Variants in RUNX2 observed in about 807,000 individuals in gnomAD.
RUNX2 encodes RUNX family transcription factor 2.
In RUNX2, 10 loss-of-function variants were observed where a neutral mutation model predicts 51.7. That is an observed-to-expected ratio of 0.19 (90% CI 0.12 to 0.33). The LOEUF (loss-of-function observed/expected upper bound fraction) is 0.33, where lower values mean the gene tolerates loss of function less well. Among genes scored for constraint, RUNX2 ranks in the 10% least tolerant of loss-of-function variants. The pLI is 1.00. For missense variants in RUNX2, 562 were observed against 691.3 expected, an observed-to-expected ratio of 0.81 and a Z score of 2.10; for synonymous variants, 276 against 273.6, an observed-to-expected ratio of 1.01 and a Z score of -0.09.
intron 5 of RUNX2, among the ~76,000 whole-genome samples, chr6:45,464,518 C>CT (rs1799569008): frequency 6.6e-6 from 1 of 152,222 alleles, no homozygotes; most frequent in African/African-American, 2.4e-5. Flanking sequence ...TTCTAAAACT[C>CT]TATCTACAGC....
At chr6:45,490,452 C>G (rs1265296269) in intron 5 of RUNX2, among the ~76,000 whole-genome samples, 1 of 152,142 alleles carries the variant, frequency 6.6e-6, no homozygotes, top group Admixed American at 6.5e-5. Flanking sequence ...CTCATATTAC[C>G]AAGCCTTGGC....
At chr6:45,495,062 T>A (rs1221458254) in intron 6 of RUNX2, among the ~76,000 whole-genome samples, 1 of 152,248 alleles carries the variant, frequency 6.6e-6, no homozygotes, top group Non-Finnish European at 1.5e-5. Context: ...CCAAGGCCAC[T>A]GTGTTATCTT....
chr6:45,384,734 T>TA (rs1262285320), intron 2 of RUNX2, among the ~76,000 whole-genome samples: 1 of 85,494 alleles, frequency 1.2e-5, no homozygotes, highest in Admixed American at 1.4e-4. Context: ...TTTTTTTTTT[T>TA]AAAGACCGGG....
chr6:45,397,396 A>G (rs945995058), intron 2 of RUNX2, among the ~76,000 whole-genome samples: 1 of 152,100 alleles, frequency 6.6e-6, no homozygotes, highest in Admixed American at 6.5e-5. Context: ...GGCGTGAGCA[A>G]CCATGCCCGG....
chr6:45,365,196 C>T, intron 2 of RUNX2: 1 of 1,579,532 alleles, frequency 6.3e-7, no homozygotes, highest in South Asian at 1.1e-5. Flanking sequence ...CAGGGACATA[C>T]TTACATCATA....
At chr6:45,391,557 C>T (rs112655684) in intron 2 of RUNX2, among the ~76,000 whole-genome samples, 19 of 152,166 alleles carry the variant, frequency 1.2e-4, no homozygotes, top group African/African-American at 3.6e-4. Flanking sequence ...TGTTTCCACA[C>T]TGCTGTAAAG....
chr6:45,339,642 T>C (rs74773773), intron 2 of RUNX2, among the ~76,000 whole-genome samples: 4,480 of 152,230 alleles, frequency 0.029, 91 homozygotes, highest in Non-Finnish European at 0.047. Flanking sequence ...AAGATGACTA[T>C]AGCCAAAAAC....
chr6:45,348,405 G>C (rs1473086194), intron 2 of RUNX2, among the ~76,000 whole-genome samples: 2 of 150,860 alleles, frequency 1.3e-5, no homozygotes, highest in African/African-American at 4.9e-5. Flanking sequence ...GGTGGCTCAC[G>C]CCTGTAATCC....
At chr6:45,528,129 G>T (rs1401054912) in intron 7 of RUNX2, among the ~76,000 whole-genome samples, 1 of 152,040 alleles carries the variant, frequency 6.6e-6, no homozygotes, top group Non-Finnish European at 1.5e-5. Context: ...ACTATCACGA[G>T]AACAGTATGG....
chr6:45,406,206 C>T (rs1797830359), intron 2 of RUNX2, among the ~76,000 whole-genome samples: 1 of 152,136 alleles, frequency 6.6e-6, no homozygotes, highest in Non-Finnish European at 1.5e-5. Context: ...TCTCAACAGA[C>T]TCCTCTTCAC....
chr6:45,369,258 TAC>T (rs1024954265), intron 2 of RUNX2, among the ~76,000 whole-genome samples: 7 of 151,984 alleles, frequency 4.6e-5, no homozygotes, highest in Non-Finnish European at 1.0e-4. Context: ...CCTTTACCCC[TAC>T]AGTTCTCTCT....
chr6:45,428,172 G>A (rs1401795099), intron 3 of RUNX2, among the ~76,000 whole-genome samples: 2 of 152,166 alleles, frequency 1.3e-5, no homozygotes. Flanking sequence ...TAAAGAGCGA[G>A]TTTTGACTGC....
At position 45,528,187 on chromosome 6, in the gene RUNX2, A is replaced by G. The variant is rs759833821; in HGVS notation, c.1021+15780A>G. ...AGTTACCTCCCACCAGGTCCCTCCC[A>G]TGGCACATGGGGATTATGAAAGCTA... On this transcript the variant is annotated intron_variant, in intron 7 of 8. Transcript: ENST00000647337. Among the ~76,000 whole-genome samples, 6 of 152,250 alleles carry G rather than the reference A, an allele frequency of 3.9e-5. No individual in the cohort carries two copies. In the East Asian group the frequency reaches 9.6e-4, roughly 24 times the overall value.
At chr6:45,451,700 G>A (rs941518624) in intron 5 of RUNX2, among the ~76,000 whole-genome samples, 6 of 152,170 alleles carry the variant, frequency 3.9e-5, no homozygotes, top group South Asian at 2.1e-4. Flanking sequence ...AATGAATTAG[G>A]TTAGATTTAA....
At chr6:45,393,957 T>C (rs932171277) in intron 2 of RUNX2, among the ~76,000 whole-genome samples, 1 of 149,532 alleles carries the variant, frequency 6.7e-6, no homozygotes, top group African/African-American at 2.5e-5. Flanking sequence ...CGAGTCTCAC[T>C]CTGCCCAGGC....
intron 3 of RUNX2, among the ~76,000 whole-genome samples, chr6:45,428,392 C>T (rs1798442553): frequency 2.0e-5 from 3 of 152,068 alleles, no homozygotes; most frequent in African/African-American, 7.2e-5. Context: ...CAGTACTTCC[C>T]CCAACTCCCA....
At chr6:45,487,612 A>G (rs1375919874) in intron 5 of RUNX2, among the ~76,000 whole-genome samples, 1 of 152,196 alleles carries the variant, frequency 6.6e-6, no homozygotes, top group African/African-American at 2.4e-5. Flanking sequence ...TTGTCAAACA[A>G]GAAGAACTTT....
chr6:45,356,999 A>C (rs1456776067), intron 2 of RUNX2, among the ~76,000 whole-genome samples: 1 of 152,052 alleles, frequency 6.6e-6, no homozygotes, highest in Non-Finnish European at 1.5e-5. Context: ...ATTTTTAGTA[A>C]TGAAGAATCC....
intron 2 of RUNX2, among the ~76,000 whole-genome samples, chr6:45,370,004 C>G (rs1795789609): frequency 6.6e-6 from 1 of 151,970 alleles, no homozygotes; most frequent in Non-Finnish European, 1.5e-5. Flanking sequence ...CTTTAGGCCA[C>G]AGGAGTTTAC....
Sources: allele counts gnomAD v4.1 joint callset (sites outside exome capture counted in the v4.1 genomes callset), GRCh38; gene constraint gnomAD v4.1.1; transcripts MANE v1.5; gene names NCBI Gene and HGNC (gene_info 2026-07-23, HGNC 2026-07-21).